The following SPAG16 variants were observed in gnomAD, a reference collection of about 807,000 sequenced individuals.
SPAG16 encodes the protein sperm-associated antigen 16 protein.
A neutral mutation model predicts 80.4 loss-of-function variants in SPAG16; 86 were observed. That is an observed-to-expected ratio of 1.07 (90% CI 0.90 to 1.28). The LOEUF (loss-of-function observed/expected upper bound fraction) is 1.28, where lower values mean the gene tolerates loss of function less well. SPAG16 is among the 50% of genes most tolerant of loss of function. SPAG16 has a pLI of 0.00. For missense variants in SPAG16, 870 were observed against 765.3 expected, an observed-to-expected ratio of 1.14 and a Z score of -1.61; for synonymous variants, 294 against 265.9, an observed-to-expected ratio of 1.11 and a Z score of -1.03.
chr2:213,903,101 G>A (rs1204270685), intron 11 of SPAG16, among the ~76,000 whole-genome samples: 1 of 152,170 alleles, frequency 6.6e-6, no homozygotes, highest in Non-Finnish European at 1.5e-5. Flanking sequence ...TCACAGGCTA[G>A]CATTGAGTAT....
chr2:213,967,563 A>G (rs1051317274), intron 12 of SPAG16, among the ~76,000 whole-genome samples: 3 of 152,190 alleles, frequency 2.0e-5, no homozygotes, highest in African/African-American at 7.2e-5. Context: ...AATTTTAAAG[A>G]GCTCAATACA....
At chr2:213,858,906 T>C (rs7588307) in intron 10 of SPAG16, among the ~76,000 whole-genome samples, 51,944 of 151,350 alleles carry the variant, frequency 0.34, 9,299 homozygotes, top group South Asian at 0.47. Context: ...GTCCGCCAGG[T>C]GCAGTGGCTC....
intron 12 of SPAG16, among the ~76,000 whole-genome samples, chr2:214,009,499 C>T (rs562485304): frequency 2.0e-5 from 3 of 152,178 alleles, no homozygotes; most frequent in African/African-American, 7.2e-5. Flanking sequence ...AAGAGAAGTA[C>T]AGAAACTGGT....
chr2:214,106,158 A>C (rs11889980), intron 13 of SPAG16, among the ~76,000 whole-genome samples: 1 of 152,054 alleles, frequency 6.6e-6, no homozygotes, highest in Non-Finnish European at 1.5e-5. Flanking sequence ...ACAATTTGCT[A>C]ATTTATATCT....
At chr2:213,506,407 A>G (rs2074971109) in intron 10 of SPAG16, among the ~76,000 whole-genome samples, 1 of 152,236 alleles carries the variant, frequency 6.6e-6, no homozygotes, top group Non-Finnish European at 1.5e-5. Flanking sequence ...TGTGATAGGT[A>G]TAAATGCTTT....
chr2:214,294,054 G>T (rs1693976004), intron 15 of SPAG16, among the ~76,000 whole-genome samples: 1 of 152,218 alleles, frequency 6.6e-6, no homozygotes, highest in Non-Finnish European at 1.5e-5. Flanking sequence ...TCAGCTCCAG[G>T]GCAGGATGCC....
intron 10 of SPAG16, among the ~76,000 whole-genome samples, chr2:213,754,853 G>A (rs2068248664): frequency 6.6e-6 from 1 of 152,198 alleles, no homozygotes; most frequent in Non-Finnish European, 1.5e-5. Context: ...TTCACCTGCT[G>A]ACTTTCCGAA....
At chr2:213,345,806 A>G (rs1309877177) in intron 6 of SPAG16, among the ~76,000 whole-genome samples, 1 of 152,168 alleles carries the variant, frequency 6.6e-6, no homozygotes, top group East Asian at 1.9e-4. Flanking sequence ...GTTTGAAGTC[A>G]GGTAGCGTGA....
rs573127552 is a variant in SPAG16, at chr2:214,087,008, C to A, written c.1528-21188C>A. ...TCAAAGAGAGACACTTTACCTCAAA[C>A]TGCAGTGTTTACACTTTCTTGTGAT... On this transcript the variant is annotated intron_variant, in intron 13 of 15. Transcript: ENST00000331683. Among the ~76,000 whole-genome samples the A allele has an allele frequency of 4.0e-5, 6 of 151,472 alleles. No individual in the cohort carries two copies. In the South Asian group the frequency reaches 1.3e-3, roughly 32 times the overall value.
At chr2:214,242,370 T>C (rs1416965209) in intron 15 of SPAG16, among the ~76,000 whole-genome samples, 2 of 152,200 alleles carry the variant, frequency 1.3e-5, no homozygotes, top group African/African-American at 2.4e-5. Context: ...AGTTTTTCCT[T>C]GTCAAAATCA....
chr2:213,308,547 CAA>C (rs2063046955), intron 3 of SPAG16, among the ~76,000 whole-genome samples: 1 of 151,992 alleles, frequency 6.6e-6, no homozygotes, highest in Non-Finnish European at 1.5e-5. Context: ...ACACAGTCTC[CAA>C]AAGAATGAGT....
chr2:214,145,846 T>TATTC (rs1278461163), intron 14 of SPAG16, among the ~76,000 whole-genome samples: 3 of 152,210 alleles, frequency 2.0e-5, no homozygotes, highest in Non-Finnish European at 4.4e-5. Flanking sequence ...ATTCCCTTTG[T>TATTC]ATTCATTCAT....
At chr2:213,683,044 C>T (rs773507115) in intron 10 of SPAG16, among the ~76,000 whole-genome samples, 2 of 152,086 alleles carry the variant, frequency 1.3e-5, no homozygotes, top group African/African-American at 4.8e-5. Context: ...CTGGATATTG[C>T]GTCCTAATAA....
At chr2:214,064,256 A>G (rs1263146411) in intron 13 of SPAG16, among the ~76,000 whole-genome samples, 4 of 152,106 alleles carry the variant, frequency 2.6e-5, no homozygotes, top group African/African-American at 9.7e-5. Context: ...CTGTGGAGAG[A>G]GGACACTTTC....
chr2:213,628,528 G>A (rs1344966377), intron 10 of SPAG16, among the ~76,000 whole-genome samples: 1 of 152,212 alleles, frequency 6.6e-6, no homozygotes, highest in African/African-American at 2.4e-5. Flanking sequence ...ATTTGGACAA[G>A]AAATTATTAA....
At chr2:214,139,041 C>A (rs986427130) in intron 14 of SPAG16, among the ~76,000 whole-genome samples, 18 of 152,230 alleles carry the variant, frequency 1.2e-4, no homozygotes, top group Admixed American at 6.5e-4. Flanking sequence ...CAACTATAGT[C>A]CTAGGGTCAG....
intron 15 of SPAG16, among the ~76,000 whole-genome samples, chr2:214,397,107 A>G (rs1460530543): frequency 6.6e-6 from 1 of 151,466 alleles, no homozygotes; most frequent in Non-Finnish European, 1.5e-5. Flanking sequence ...TAATAATCAT[A>G]GTATCTAGTT....
chr2:213,539,705 C>G (rs748187708), intron 10 of SPAG16, among the ~76,000 whole-genome samples: 16 of 152,098 alleles, frequency 1.1e-4, no homozygotes, highest in Non-Finnish European at 2.2e-4. Context: ...GTTAATAAAC[C>G]ATACTATTAA....
At chr2:214,014,348 A>T (rs1263310537) in intron 13 of SPAG16, among the ~76,000 whole-genome samples, 2 of 152,236 alleles carry the variant, frequency 1.3e-5, no homozygotes, top group Non-Finnish European at 2.9e-5. Flanking sequence ...TTCATGGGAT[A>T]CAAAAGGGAA....
Sources: gnomAD v4.1 joint callset for allele counts (sites outside exome capture counted in the v4.1 genomes callset) on GRCh38, gnomAD v4.1.1 for gene constraint, MANE v1.5 for transcripts, NCBI Gene and HGNC (gene_info 2026-07-23, HGNC 2026-07-21) for gene names.